The following CPVL variants were observed in gnomAD, a reference collection of about 807,000 sequenced individuals.
CPVL encodes probable serine carboxypeptidase CPVL.
In CPVL, 51 loss-of-function variants were observed where a neutral mutation model predicts 63.7. That is an observed-to-expected ratio of 0.80 (90% CI 0.64 to 1.01). The LOEUF (loss-of-function observed/expected upper bound fraction) is 1.01. CPVL is among the 50% of genes least tolerant of loss of function. The pLI, the probability that CPVL is intolerant of heterozygous loss-of-function variation, is 0.00. For synonymous variants in CPVL, 195 were observed against 206.0 expected, an observed-to-expected ratio of 0.95 and a Z score of 0.46; for missense variants, 530 against 573.1, an observed-to-expected ratio of 0.92 and a Z score of 0.77.
At chr7:29,039,432 T>C (rs1435630693) in intron 11 of CPVL, among the ~76,000 whole-genome samples, 2 of 152,212 alleles carry the variant, frequency 1.3e-5, no homozygotes, top group African/African-American at 2.4e-5. Flanking sequence ...TTCCACACTC[T>C]ATAAGCACAG....
chr7:29,059,162 T>C (rs2128557892), intron 11 of CPVL, among the ~76,000 whole-genome samples: 1 of 152,276 alleles, frequency 6.6e-6, no homozygotes, highest in South Asian at 2.1e-4. Flanking sequence ...ATGCTACTCT[T>C]AGCTCAGCTG....
chr7:29,176,740 A>C (rs1797399904), intron 5 of CPVL, among the ~76,000 whole-genome samples: 1 of 152,220 alleles, frequency 6.6e-6, no homozygotes, highest in African/African-American at 2.4e-5. Flanking sequence ...ATAAAACAAC[A>C]AATAATGGCT....
At chr7:29,121,531 G>A (rs1320216214) in intron 1 of CPVL, among the ~76,000 whole-genome samples, 1 of 152,194 alleles carries the variant, frequency 6.6e-6, no homozygotes, top group African/African-American at 2.4e-5. Context: ...CAAGAACTCT[G>A]TAACTGACCA....
Position 29,112,836 on chromosome 7 carries a change from A to C in CPVL, c.170-14T>G. 2 of 1,555,554 alleles carry C rather than the reference A, an allele frequency of 1.3e-6. No homozygotes were observed. The highest frequency in any genetic ancestry group is 1.8e-6 in the Non-Finnish European group (2 of 1,126,828). On this transcript the variant is annotated splice_polypyrimidine_tract_variant and intron_variant, in intron 2 of 12. Transcript: ENST00000265394. ...TCAATTCTCTTCCTAGTGGGGGAAA[A>C]AAAATTTACCCAAGGATTACAGAAA...
chr7:29,185,187 T>G lies in CPVL; in HGVS notation c.-262+326A>C, dbSNP rs188593225. Among the ~76,000 whole-genome samples the G allele has an allele frequency of 3.0e-3, 458 of 152,304 alleles. 1 individual carries two copies. The highest frequency in any genetic ancestry group is 0.011 in the African/African-American group (451 of 41,564). On this transcript the variant is annotated intron_variant, in intron 3 of 16. Transcript: ENST00000409850. ...CTGAAAATCCCATTTCTAATCTTCT[T>G]TATGATTGAGAAATGATAGAGTAGA...
chr7:29,127,135 G>C (rs1790112273), intron 1 of CPVL, among the ~76,000 whole-genome samples: 1 of 152,194 alleles, frequency 6.6e-6, no homozygotes, highest in African/African-American at 2.4e-5. Context: ...AAATCAGGAA[G>C]AGGAGAAAAT....
chr7:29,083,728 CCT>C (rs1447673822), intron 7 of CPVL, among the ~76,000 whole-genome samples: 3 of 152,128 alleles, frequency 2.0e-5, no homozygotes, highest in Non-Finnish European at 2.9e-5. Flanking sequence ...CAATCAATGC[CCT>C]GTTTCACTAA....
chr7:29,028,055 CAAT>C (rs1787668256), intron 12 of CPVL, among the ~76,000 whole-genome samples: 1 of 152,142 alleles, frequency 6.6e-6, no homozygotes, highest in South Asian at 2.1e-4. Context: ...TACTACAAAG[CAAT>C]AACAACCAAA....
chr7:29,161,585 T>C lies in CPVL; in HGVS notation c.-11+19705A>G, dbSNP rs576605929. ...TGGAATGATCCCTAACCAAATTCCATGTATTCTCTAAGCCTCTGCTATTCA... is the reference window on the plus strand; with the variant it reads ...TGGAATGATCCCTAACCAAATTCCACGTATTCTCTAAGCCTCTGCTATTCA... On this transcript the variant is annotated intron_variant, in intron 5 of 16. Transcript: ENST00000409850. Among the ~76,000 whole-genome samples the C allele has an allele frequency of 5.9e-5, 9 of 152,318 alleles. No individual in the cohort carries two copies. In the East Asian group the frequency reaches 1.5e-3, roughly 26 times the overall value.
At chr7:29,077,326 A>T (rs1784333497) in intron 7 of CPVL, among the ~76,000 whole-genome samples, 2 of 152,172 alleles carry the variant, frequency 1.3e-5, no homozygotes, top group African/African-American at 4.8e-5. Context: ...ACACTTATAC[A>T]CTCATTCTCT....
intron 3 of CPVL, among the ~76,000 whole-genome samples, chr7:29,099,575 G>A (rs1050378007): frequency 6.6e-6 from 1 of 152,122 alleles, no homozygotes; most frequent in African/African-American, 2.4e-5. Context: ...AGCTGGGCAT[G>A]GTGGCAGATG....
At chr7:29,064,358 T>C (rs2128564385) in intron 10 of CPVL, 124 bp from the exon 11 acceptor site, 2 of 535,778 alleles carry the variant, frequency 3.7e-6, no homozygotes, top group East Asian at 5.9e-5. Context: ...TATTAACTTG[T>C]CGCCATTCTT....
intron 4 of CPVL, 139 bp from the exon 5 acceptor site, chr7:29,095,281 T>G: frequency 1.5e-6 from 1 of 688,168 alleles, no homozygotes; most frequent in Admixed American, 2.1e-5. Context: ...CACACTCTCA[T>G]GGTGGGGAAC....
At chr7:29,155,768 G>A (rs1794276199) in intron 5 of CPVL, among the ~76,000 whole-genome samples, 1 of 152,146 alleles carries the variant, frequency 6.6e-6, no homozygotes. Flanking sequence ...GCTGGCTGGA[G>A]GGGTCCTGTT....
At chr7:29,028,796 T>C (rs936634528) in intron 12 of CPVL, among the ~76,000 whole-genome samples, 6 of 151,952 alleles carry the variant, frequency 3.9e-5, no homozygotes, top group Non-Finnish European at 7.4e-5. Flanking sequence ...AAACCCCATC[T>C]CTACTAAAAA....
intron 12 of CPVL, among the ~76,000 whole-genome samples, chr7:29,020,600 A>C (rs1035082559): frequency 3.9e-5 from 6 of 152,184 alleles, no homozygotes; most frequent in Admixed American, 6.5e-5. Context: ...TGGATGGCTT[A>C]AACAACAGGA....
intron 1 of CPVL, chr7:29,195,060 G>C: frequency 6.7e-7 from 1 of 1,498,882 alleles, no homozygotes; most frequent in Non-Finnish European, 9.0e-7. Flanking sequence ...CCGCAGCCTG[G>C]GATGGACAGA....
At chr7:29,045,728 T>C (rs1789547478) in intron 11 of CPVL, among the ~76,000 whole-genome samples, 1 of 152,230 alleles carries the variant, frequency 6.6e-6, no homozygotes, top group Non-Finnish European at 1.5e-5. Context: ...TCTAGTTTCC[T>C]GGCCATGATT....
chr7:29,159,981 G>T (rs1170195141), intron 5 of CPVL, among the ~76,000 whole-genome samples: 1 of 152,126 alleles, frequency 6.6e-6, no homozygotes, highest in Non-Finnish European at 1.5e-5. Flanking sequence ...TCTGGTTGGT[G>T]GTCATCTTCT....
Sources: allele counts gnomAD v4.1 joint callset (sites outside exome capture counted in the v4.1 genomes callset), GRCh38; gene constraint gnomAD v4.1.1; transcripts MANE v1.5; gene names NCBI Gene and HGNC (gene_info 2026-07-23, HGNC 2026-07-21).